SBF2: variants seen among roughly 807,000 people sequenced by gnomAD.
SBF2 encodes SET binding factor 2, also known as myotubularin-related protein 13.
In SBF2, 112 loss-of-function variants were observed where a neutral mutation model predicts 225.2. The observed-to-expected ratio is 0.50, with a 90% confidence interval of 0.43 to 0.58. The LOEUF (loss-of-function observed/expected upper bound fraction) is 0.58, where lower values mean the gene tolerates loss of function less well. Among genes scored for constraint, SBF2 ranks in the 20% least tolerant of loss-of-function variants. The pLI, the probability that SBF2 is intolerant of heterozygous loss-of-function variation, is 0.00. For missense variants in SBF2, 1,996 were observed against 2,206.2 expected, an observed-to-expected ratio of 0.90 and a Z score of 1.91; for synonymous variants, 763 against 773.3, an observed-to-expected ratio of 0.99 and a Z score of 0.22.
intron 2 of SBF2, among the ~76,000 whole-genome samples, chr11:10,147,428 T>C (rs1410653494): frequency 6.6e-6 from 1 of 152,160 alleles, no homozygotes; most frequent in East Asian, 1.9e-4. Context: ...GGAACATGAA[T>C]GGAGCTGGAG....
At chr11:10,289,406 C>T (rs1964016883) in intron 1 of SBF2, among the ~76,000 whole-genome samples, 1 of 152,148 alleles carries the variant, frequency 6.6e-6, no homozygotes. Flanking sequence ...GCTGCCTGCT[C>T]CAGCCAGGTC....
At chr11:10,078,950 T>C (rs1424080385) in intron 2 of SBF2, among the ~76,000 whole-genome samples, 2 of 152,022 alleles carry the variant, frequency 1.3e-5, no homozygotes, top group Admixed American at 1.3e-4. Context: ...CTGAGGCTAT[T>C]TATAACCAAG....
chr11:9,867,872 G>A (rs1307223713), intron 17 of SBF2, among the ~76,000 whole-genome samples: 3 of 152,180 alleles, frequency 2.0e-5, no homozygotes, highest in Non-Finnish European at 2.9e-5. Flanking sequence ...GGGCTACTGG[G>A]AAGGGGGAAT....
At chr11:9,980,290 A>T (rs1253387021) in intron 13 of SBF2, among the ~76,000 whole-genome samples, 4 of 17,050 alleles carry the variant, frequency 2.3e-4, no homozygotes, top group African/African-American at 8.9e-4. Flanking sequence ...TCTTGTAATT[A>T]AAAAAAAAAA....
chr11:10,026,044 T>C (rs1053307881), intron 6 of SBF2, among the ~76,000 whole-genome samples: 12 of 149,856 alleles, frequency 8.0e-5, no homozygotes, highest in East Asian at 1.9e-4. Context: ...TTTTTTTTTT[T>C]CCAGTGGGAA....
intron 1 of SBF2, among the ~76,000 whole-genome samples, chr11:10,240,521 G>C (rs1959193684): frequency 6.6e-6 from 1 of 152,174 alleles, no homozygotes; most frequent in African/African-American, 2.4e-5. Context: ...GAGTGACACA[G>C]AATCAGTATC....
chr11:10,180,313 C>G (rs1434984548), intron 2 of SBF2, among the ~76,000 whole-genome samples: 1 of 151,932 alleles, frequency 6.6e-6, no homozygotes, highest in Admixed American at 6.6e-5. Context: ...GTATTTCTCC[C>G]ACGTGTTTGA....
intron 28 of SBF2, among the ~76,000 whole-genome samples, chr11:9,827,951 A>G (rs924696275): frequency 1.4e-4 from 22 of 152,246 alleles, no homozygotes; most frequent in Non-Finnish European, 2.4e-4. Context: ...CTTGTCCCAC[A>G]AGGCTAAGCT....
intron 2 of SBF2, among the ~76,000 whole-genome samples, chr11:10,114,805 T>C (rs930434300): frequency 6.6e-6 from 1 of 152,272 alleles, no homozygotes; most frequent in South Asian, 2.1e-4. Context: ...TCTTCAGTTC[T>C]TGTTGTGTTT....
At chr11:10,047,687 A>G (rs537427636) in intron 2 of SBF2, among the ~76,000 whole-genome samples, 1 of 152,292 alleles carries the variant, frequency 6.6e-6, no homozygotes, top group East Asian at 1.9e-4. Flanking sequence ...GAGTCTAGAG[A>G]TATCAGAAAA....
intron 2 of SBF2, among the ~76,000 whole-genome samples, chr11:10,073,553 C>T (rs970662072): frequency 6.6e-6 from 1 of 151,960 alleles, no homozygotes; most frequent in South Asian, 2.1e-4. Flanking sequence ...TCTGTCTCTA[C>T]TAATAATACA....
chr11:10,262,175 A>G (rs998919280), intron 1 of SBF2, among the ~76,000 whole-genome samples: 15 of 152,338 alleles, frequency 9.8e-5, no homozygotes, highest in African/African-American at 3.6e-4. Context: ...AGATACTGGT[A>G]TCAATAATTT....
chr11:10,219,561 A>C (rs1416353580), intron 1 of SBF2, among the ~76,000 whole-genome samples: 1 of 152,140 alleles, frequency 6.6e-6, no homozygotes, highest in Non-Finnish European at 1.5e-5. Context: ...AGCCAGCTTG[A>C]ATTTCTCTCC....
At chr11:10,201,446 T>G (rs906260556) in intron 1 of SBF2, among the ~76,000 whole-genome samples, 2 of 152,230 alleles carry the variant, frequency 1.3e-5, no homozygotes, top group Non-Finnish European at 2.9e-5. Flanking sequence ...AGCTGCTCAT[T>G]CACTGAAAAG....
intron 17 of SBF2, among the ~76,000 whole-genome samples, chr11:9,879,536 G>A (rs562667897): frequency 1.3e-5 from 2 of 152,262 alleles, no homozygotes; most frequent in African/African-American, 4.8e-5. Flanking sequence ...TTGCCAGCTG[G>A]AGGACCTGGG....
chr11:9,967,358 C>T (rs1365774321), intron 14 of SBF2, among the ~76,000 whole-genome samples: 2 of 141,408 alleles, frequency 1.4e-5, no homozygotes, highest in African/African-American at 2.6e-5. Flanking sequence ...GGTGACAGAG[C>T]GAGACTCCGT....
rs187967176 is a variant in SBF2 at position 10,163,480 on chromosome 11, A to G, written c.141+30422T>C. 7.3e-3 allele frequency among the ~76,000 whole-genome samples: 1,111 copies of G among 152,258 alleles called. 5 individuals carry two copies. Among genetic ancestry groups the G allele is most frequent in the Non-Finnish European group, 0.012 (789 of 67,988 alleles). On this transcript the variant is annotated intron_variant, in intron 2 of 39. Transcript: ENST00000256190. ...GCATTATTTTTGAAAACATACCCTAATAATGACAATAAGAGTAGCAACAGA... is the reference window on the plus strand; with the variant it reads ...GCATTATTTTTGAAAACATACCCTAGTAATGACAATAAGAGTAGCAACAGA...
At chr11:10,258,795 A>T (rs1389296428) in intron 1 of SBF2, among the ~76,000 whole-genome samples, 1 of 151,152 alleles carries the variant, frequency 6.6e-6, no homozygotes, top group Non-Finnish European at 1.5e-5. Context: ...TAGTTGGGCA[A>T]ATAAGATATA....
chr11:9,804,088 T>C (rs1853649559), intron 32 of SBF2, among the ~76,000 whole-genome samples: 1 of 152,088 alleles, frequency 6.6e-6, no homozygotes. Flanking sequence ...CATGTAGTCA[T>C]ATGATTACCC....
Sources: gnomAD v4.1 joint callset for allele counts (sites outside exome capture counted in the v4.1 genomes callset) on GRCh38, gnomAD v4.1.1 for gene constraint, MANE v1.5 for transcripts, NCBI Gene and HGNC (gene_info 2026-07-23, HGNC 2026-07-21) for gene names.